Variants in ROBO1 observed in about 807,000 individuals in gnomAD.
The protein encoded by ROBO1 is roundabout guidance receptor 1, also known as roundabout homolog 1.
In ROBO1, 149 loss-of-function variants were observed where a neutral mutation model predicts 195.9. That is an observed-to-expected ratio of 0.76 (90% CI 0.67 to 0.87). The LOEUF is 0.87. Among genes scored for constraint, ROBO1 ranks in the 40% least tolerant of loss-of-function variants. The pLI, the probability that ROBO1 is intolerant of heterozygous loss-of-function variation, is 0.00. For synonymous variants in ROBO1, 816 were observed against 733.2 expected (o/e 1.11, Z -1.82); for missense variants, 1,933 against 2,068.3 (o/e 0.93, Z 1.27).
At chr3:79,733,804 T>C (rs1703257148) in intron 1 of ROBO1, among the ~76,000 whole-genome samples, 1 of 152,216 alleles carries the variant, frequency 6.6e-6, no homozygotes, top group Non-Finnish European at 1.5e-5. Flanking sequence ...TTTCCCACTA[T>C]TGTGTACTTT....
intron 3 of ROBO1, among the ~76,000 whole-genome samples, chr3:79,069,417 TTC>T: frequency 6.6e-6 from 1 of 152,042 alleles, no homozygotes; most frequent in East Asian, 1.9e-4. Flanking sequence ...GGTCCTCTAA[TTC>T]TCTCTGCCCA....
At chr3:79,049,117 T>C (rs913592402) in intron 3 of ROBO1, among the ~76,000 whole-genome samples, 4 of 152,112 alleles carry the variant, frequency 2.6e-5, no homozygotes, top group Admixed American at 1.3e-4. Context: ...AAGGAGCATG[T>C]TCTAACCCAC....
intron 2 of ROBO1, among the ~76,000 whole-genome samples, chr3:79,368,660 A>G (rs2036065544): frequency 6.6e-6 from 1 of 152,126 alleles, no homozygotes; most frequent in Admixed American, 6.5e-5. Context: ...TTCTTCCCTC[A>G]GGCACCTTCT....
At chr3:78,950,160 G>C (rs1576455335) in intron 3 of ROBO1, among the ~76,000 whole-genome samples, 2 of 151,970 alleles carry the variant, frequency 1.3e-5, no homozygotes, top group East Asian at 3.9e-4. Flanking sequence ...CCCATTACTG[G>C]GTATATACCC....
chr3:79,018,376 T>A, intron 3 of ROBO1: 1 of 1,613,182 alleles, frequency 6.2e-7, no homozygotes, highest in Non-Finnish European at 8.5e-7. Flanking sequence ...ACAGGGAGGA[T>A]CAAGGGTGAA....
intron 24 of ROBO1, among the ~76,000 whole-genome samples, chr3:78,631,686 C>T (rs1176775022): frequency 2.0e-5 from 3 of 152,104 alleles, no homozygotes; most frequent in Non-Finnish European, 4.4e-5. Context: ...GATACAGATA[C>T]GATCTATTAG....
chr3:78,901,646 C>T (rs1293280144), intron 4 of ROBO1, among the ~76,000 whole-genome samples: 1 of 152,128 alleles, frequency 6.6e-6, no homozygotes, highest in African/African-American at 2.4e-5. Context: ...AGTAATGTGT[C>T]TCTCCCTAAC....
chr3:79,721,269 T>C (rs1369662907), intron 1 of ROBO1, among the ~76,000 whole-genome samples: 1 of 152,210 alleles, frequency 6.6e-6, no homozygotes, highest in Admixed American at 6.5e-5. Context: ...TACTCTCCTC[T>C]ATTGCATAAA....
chr3:79,240,483 C>T (rs1246648091), intron 2 of ROBO1, among the ~76,000 whole-genome samples: 1 of 152,024 alleles, frequency 6.6e-6, no homozygotes, highest in Admixed American at 6.6e-5. Context: ...TAACACAAAA[C>T]TTTAATTATT....
intron 10 of ROBO1, among the ~76,000 whole-genome samples, chr3:78,685,277 T>C (rs114494977): frequency 0.011 from 1,706 of 152,284 alleles, 14 homozygotes; most frequent in Non-Finnish European, 0.017. Context: ...ACAATAGGTT[T>C]GGCACTAATT....
chr3:78,685,643 G>T (rs3732663), intron 10 of ROBO1, 103 bp downstream of exon 10: 163,524 of 673,740 alleles, frequency 0.24, 20,740 homozygotes, highest in African/African-American at 0.31. Context: ...CACTAAAATA[G>T]CCATAAAAAG....
chr3:79,129,966 G>A (rs2080297122), intron 2 of ROBO1, among the ~76,000 whole-genome samples: 2 of 120,662 alleles, frequency 1.7e-5, no homozygotes, highest in South Asian at 6.5e-4. Context: ...GTTTTTCTCA[G>A]GTTTGTCAAA....
intron 8 of ROBO1, among the ~76,000 whole-genome samples, chr3:78,706,534 G>A (rs1257966654): frequency 6.6e-6 from 1 of 151,894 alleles, no homozygotes; most frequent in Non-Finnish European, 1.5e-5. Context: ...TTAACACTGG[G>A]TCTCACTGTG....
intron 1 of ROBO1, among the ~76,000 whole-genome samples, chr3:79,712,355 T>A (rs778598555): frequency 3.3e-5 from 5 of 152,180 alleles, no homozygotes; most frequent in East Asian, 1.9e-4. Flanking sequence ...ATTGCTGATA[T>A]GGAAAAAATA....
chr3:79,043,046 TG>T (rs2078518323), intron 3 of ROBO1, among the ~76,000 whole-genome samples: 1 of 152,132 alleles, frequency 6.6e-6, no homozygotes, highest in African/African-American at 2.4e-5. Flanking sequence ...TGCCCTTTTT[TG>T]AGACTATCAT....
At chr3:79,743,773 A>G (rs191466599) in intron 1 of ROBO1, among the ~76,000 whole-genome samples, 148 of 152,256 alleles carry the variant, frequency 9.7e-4, no homozygotes, top group African/African-American at 3.3e-3. Context: ...TAAAAGTAAG[A>G]CATGAACACA....
intron 2 of ROBO1, among the ~76,000 whole-genome samples, chr3:79,442,996 A>G (rs1436596583): frequency 6.6e-6 from 1 of 152,208 alleles, no homozygotes; most frequent in Non-Finnish European, 1.5e-5. Context: ...CATTCTATTA[A>G]GTTCAGATGT....
intron 25 of ROBO1, among the ~76,000 whole-genome samples, chr3:78,628,323 A>G (rs1345181430): frequency 6.6e-6 from 1 of 152,184 alleles, no homozygotes; most frequent in Admixed American, 6.5e-5. Flanking sequence ...AGTCCAATAC[A>G]ACCCATTTTT....
chr3:79,755,334 A>G (rs1303710832), intron 1 of ROBO1, among the ~76,000 whole-genome samples: 1 of 152,166 alleles, frequency 6.6e-6, no homozygotes, highest in Non-Finnish European at 1.5e-5. Context: ...GCTGAATTTA[A>G]TTCCATGGAA....
Sources: gnomAD v4.1 joint callset for allele counts (sites outside exome capture counted in the v4.1 genomes callset) on GRCh38, gnomAD v4.1.1 for gene constraint, MANE v1.5 for transcripts, NCBI Gene and HGNC (gene_info 2026-07-23, HGNC 2026-07-21) for gene names.